The following MAP4 variants were observed in gnomAD, a reference collection of about 807,000 sequenced individuals.
The protein encoded by MAP4 is microtubule-associated protein 4.
MAP4 carries 76 observed loss-of-function variants against 170.2 expected under a neutral mutation model. The observed-to-expected ratio is 0.45, with a 90% CI of 0.37 to 0.54. The LOEUF (loss-of-function observed/expected upper bound fraction) is 0.54. Among genes scored for constraint, MAP4 ranks in the 20% least tolerant of loss-of-function variants. The pLI is 0.00. For missense variants in MAP4, 2,506 were observed against 2,748.0 expected (o/e 0.91, Z 1.97); for synonymous variants, 909 against 994.5 (o/e 0.91, Z 1.62).
intron 17 of MAP4, among the ~76,000 whole-genome samples, chr3:47,857,941 C>T (rs1185230): frequency 6.6e-6 from 1 of 151,882 alleles, no homozygotes; most frequent in African/African-American, 2.4e-5. Flanking sequence ...AACTCCTGAC[C>T]TCAGGAGATC....
At chr3:47,897,735 G>A (rs1050845647) in intron 10 of MAP4, among the ~76,000 whole-genome samples, 4 of 151,614 alleles carry the variant, frequency 2.6e-5, no homozygotes, top group Non-Finnish European at 4.4e-5. Context: ...TCAGGAGTTC[G>A]AGACCAGCCT....
At chr3:47,996,598 G>T (rs1050390553) in intron 2 of MAP4, among the ~76,000 whole-genome samples, 1 of 152,058 alleles carries the variant, frequency 6.6e-6, no homozygotes, top group Non-Finnish European at 1.5e-5. Flanking sequence ...AGGCAATTAC[G>T]GTAATGACAA....
At chr3:47,943,305 T>C (rs1316908124) in intron 3 of MAP4, among the ~76,000 whole-genome samples, 2 of 152,102 alleles carry the variant, frequency 1.3e-5, no homozygotes, top group Admixed American at 1.3e-4. Flanking sequence ...CCCACTAACC[T>C]TTCTTGATTT....
At chr3:47,894,262 G>A (rs1488393045) in intron 10 of MAP4, among the ~76,000 whole-genome samples, 3 of 152,186 alleles carry the variant, frequency 2.0e-5, no homozygotes, top group Non-Finnish European at 4.4e-5. Flanking sequence ...AATGCCAGGA[G>A]AATCATGATT....
intron 10 of MAP4, among the ~76,000 whole-genome samples, chr3:47,894,307 G>T (rs1373939595): frequency 6.6e-6 from 1 of 152,228 alleles, no homozygotes; most frequent in African/African-American, 2.4e-5. Context: ...GATTGGCCGG[G>T]TGTGGTGGCT....
intron 1 of MAP4, among the ~76,000 whole-genome samples, chr3:48,062,207 G>T (rs1011855972): frequency 3.3e-5 from 5 of 151,528 alleles, no homozygotes; most frequent in Admixed American, 2.0e-4. Context: ...CCCCCAACCC[G>T]GTGCTCTCTG....
chr3:47,863,937 T>TGGGGGGGGGGGG (rs1553728778), intron 17 of MAP4, among the ~76,000 whole-genome samples: 1 of 138,356 alleles, frequency 7.2e-6, no homozygotes, highest in African/African-American at 2.7e-5. Flanking sequence ...TGTGTGTGTG[T>TGGGGGGGGGGGG]GGGGAGTGGT....
intron 1 of MAP4, among the ~76,000 whole-genome samples, chr3:48,085,177 T>C (rs2100148465): frequency 7.1e-6 from 1 of 140,086 alleles, no homozygotes; most frequent in Admixed American, 7.4e-5. Flanking sequence ...TAGCAACTAC[T>C]CACGCTTAAT....
chr3:47,922,819 GC>G (rs1161149828), intron 4 of MAP4, among the ~76,000 whole-genome samples: 2 of 152,216 alleles, frequency 1.3e-5, no homozygotes, highest in African/African-American at 4.8e-5. Flanking sequence ...GGAGGCCAAG[GC>G]GGGCGGATCA....
At chr3:48,036,401 C>T (rs974000378) in intron 1 of MAP4, among the ~76,000 whole-genome samples, 6 of 152,212 alleles carry the variant, frequency 3.9e-5, no homozygotes, top group Non-Finnish European at 5.9e-5. Context: ...AACTGCCACA[C>T]ATTAAGCATT....
At position 47,922,763 on chromosome 3, in the gene MAP4, A is replaced by G. The variant is rs1328625822; in HGVS notation, c.416-885T>C. On this transcript the variant is annotated intron_variant, in intron 4 of 20. Transcript: ENST00000683076. ...TTTGTGCTTTTGTACATGAAAAAAA[A>G]GCAGGGCCGGGCATGGTGGTTCATG... 1.3e-5 allele frequency among the ~76,000 whole-genome samples: 2 copies of G among 152,302 alleles called. 1 individual carries two copies. Among genetic ancestry groups the G allele is most frequent in the South Asian group, 4.1e-4 (2 of 4,822 alleles).
intron 10 of MAP4, among the ~76,000 whole-genome samples, chr3:47,898,523 A>G (rs1399878001): frequency 6.6e-6 from 1 of 151,802 alleles, no homozygotes; most frequent in Non-Finnish European, 1.5e-5. Context: ...AAAAGATTAC[A>G]CTATTGCTTT....
At chr3:47,968,531 T>C (rs912290061) in intron 3 of MAP4, among the ~76,000 whole-genome samples, 1 of 152,146 alleles carries the variant, frequency 6.6e-6, no homozygotes, top group Non-Finnish European at 1.5e-5. Context: ...GAAAATACTT[T>C]CAGATGAATG....
intron 3 of MAP4, among the ~76,000 whole-genome samples, chr3:47,935,049 A>G (rs2100051934): frequency 6.6e-6 from 1 of 152,262 alleles, no homozygotes; most frequent in African/African-American, 2.4e-5. Flanking sequence ...TACCTACTTC[A>G]TAAGGCTAAG....
At chr3:48,052,772 C>T (rs1005599421) in intron 1 of MAP4, among the ~76,000 whole-genome samples, 4 of 152,190 alleles carry the variant, frequency 2.6e-5, no homozygotes, top group East Asian at 1.9e-4. Flanking sequence ...TTGGGGTTCA[C>T]AGCCAGACAG....
At chr3:48,057,637 GAAAA>G (rs1176640431) in intron 1 of MAP4, among the ~76,000 whole-genome samples, 1 of 107,632 alleles carries the variant, frequency 9.3e-6, no homozygotes, top group African/African-American at 4.0e-5. Flanking sequence ...AAATAAAAAA[GAAAA>G]AAAAGAAAAA....
In MAP4 at chr3:47,909,839, TAA is replaced by T. The variant is rs1166915187; in HGVS notation, c.4580_4581del (p.Leu1527GlnfsTer3). ...GAATCAGCAAGCTCAGCTTTATTCT[TAA>T]GAGAGTGATCTCCATGAATGTTAAC... ...ETVNIHGDHS[L>X]KNKAELADSM... On this transcript the variant is annotated frameshift_variant, in exon 9 of 21. Coordinates refer to ENST00000683076, the MANE Select transcript of MAP4 (RefSeq NM_001385682.1). LOFTEE classifies it high-confidence loss of function. 6.2e-7 allele frequency: 1 copy of T among 1,614,004 alleles called. No individual in the cohort carries two copies. The highest frequency in any genetic ancestry group is 1.7e-5 in the Admixed American group (1 of 60,026).
At chr3:47,872,562 T>C (rs199751749) in intron 12 of MAP4, among the ~76,000 whole-genome samples, 2 of 152,154 alleles carry the variant, frequency 1.3e-5, no homozygotes, top group Non-Finnish European at 2.9e-5. Context: ...AAAATACATA[T>C]GGTTCTAAGA....
intron 1 of MAP4, among the ~76,000 whole-genome samples, chr3:48,045,493 G>A (rs996055575): frequency 6.6e-6 from 1 of 151,988 alleles, no homozygotes; most frequent in South Asian, 2.1e-4. Context: ...CACTCTTTAT[G>A]AGAATCCAAT....
Sources: allele counts gnomAD v4.1 joint callset (sites outside exome capture counted in the v4.1 genomes callset), GRCh38; gene constraint gnomAD v4.1.1; transcripts MANE v1.5; gene names NCBI Gene and HGNC (gene_info 2026-07-23, HGNC 2026-07-21).